RPS6KA2: variants seen among roughly 807,000 people sequenced by gnomAD.
RPS6KA2 encodes ribosomal protein S6 kinase alpha-2.
Under a neutral mutation model 91.8 loss-of-function variants are expected in RPS6KA2, and 42 were observed. That is an observed-to-expected ratio of 0.46 (90% CI 0.36 to 0.59). The LOEUF is 0.59. RPS6KA2 is among the 20% of genes least tolerant of loss of function. RPS6KA2 has a pLI of 0.00. For synonymous variants in RPS6KA2, 414 were observed against 393.6 expected, an observed-to-expected ratio of 1.05 and a Z score of -0.61; for missense variants, 798 against 978.5, an observed-to-expected ratio of 0.82 and a Z score of 2.46.
chr6:166,630,992 C>T (rs1423487758), upstream of RPS6KA2, among the ~76,000 whole-genome samples: 1 of 152,118 alleles, frequency 6.6e-6, no homozygotes, highest in Admixed American at 6.5e-5. Flanking sequence ...CTTGGGCCCT[C>T]GGCAAAAGTC....
chr6:166,498,271 T>A (rs887771729), intron 8 of RPS6KA2, among the ~76,000 whole-genome samples: 2 of 152,206 alleles, frequency 1.3e-5, no homozygotes, highest in Non-Finnish European at 2.9e-5. Flanking sequence ...AGGGTTCGAC[T>A]CCTCCCACGT....
intron 2 of RPS6KA2, among the ~76,000 whole-genome samples, chr6:166,853,101 A>C (rs992966295): frequency 4.6e-5 from 7 of 152,186 alleles, no homozygotes; most frequent in Admixed American, 4.6e-4. Context: ...AAATGGTCCT[A>C]TTGTTATCAA....
At chr6:166,579,913 T>C (rs1784953055) in intron 1 of RPS6KA2, among the ~76,000 whole-genome samples, 1 of 152,240 alleles carries the variant, frequency 6.6e-6, no homozygotes, top group Non-Finnish European at 1.5e-5. Context: ...AATCTGAGGA[T>C]AGTTCCTCTG....
chr6:166,847,748 T>TC (rs1780642387), intron 2 of RPS6KA2, among the ~76,000 whole-genome samples: 1 of 152,042 alleles, frequency 6.6e-6, no homozygotes, highest in South Asian at 2.1e-4. Flanking sequence ...TCACCTTATA[T>TC]AAAAATTTAC....
At chr6:166,512,537 T>C (rs1313522551) in intron 3 of RPS6KA2, among the ~76,000 whole-genome samples, 2 of 152,210 alleles carry the variant, frequency 1.3e-5, no homozygotes, top group African/African-American at 4.8e-5. Context: ...AACTCCTGGT[T>C]TTAATACTCA....
At chr6:166,756,147 A>G (rs1463099684) in intron 2 of RPS6KA2, among the ~76,000 whole-genome samples, 1 of 152,066 alleles carries the variant, frequency 6.6e-6, no homozygotes, top group Admixed American at 6.5e-5. Flanking sequence ...AAAATTAGCC[A>G]GGCGTGGTGG....
chr6:166,444,207 A>G (rs1014889143), intron 14 of RPS6KA2, among the ~76,000 whole-genome samples: 4 of 152,182 alleles, frequency 2.6e-5, no homozygotes, highest in Admixed American at 2.0e-4. Context: ...TTTCTTTCAA[A>G]TACACCTCTC....
Position 166,627,153 on chromosome 6 carries a change from T to A in RPS6KA2, c.-134A>T. On this transcript the variant is annotated 5_prime_UTR_variant, in exon 1 of 21. Transcript: ENST00000265678. ...GCACGGCGGCCATGGGCGCGGGGCG[T>A]GGGGCGCGAGCTGCGGTCACAAAGG... 1 of 1,108,448 alleles carries A rather than the reference T, an allele frequency of 9.0e-7. No homozygotes were observed. The highest frequency in any genetic ancestry group is 5.2e-5 in the East Asian group (1 of 19,380). The allele number at this position is 1,108,448 out of a possible 1,614,324, so 68.7% of individuals were successfully genotyped here.
intron 2 of RPS6KA2, among the ~76,000 whole-genome samples, chr6:166,641,317 A>AC (rs1195046066): frequency 1.3e-5 from 2 of 152,204 alleles, no homozygotes; most frequent in African/African-American, 4.8e-5. Context: ...CATTTGAAAA[A>AC]CAGCAAGGAA....
At chr6:166,456,329 A>G (rs2128458560) in intron 12 of RPS6KA2, among the ~76,000 whole-genome samples, 1 of 152,372 alleles carries the variant, frequency 6.6e-6, no homozygotes, top group Non-Finnish European at 1.5e-5. Flanking sequence ...AAAGCACTTT[A>G]TAATCACCTG....
rs1173281942 is a variant in RPS6KA2 at position 166,789,626 on chromosome 6, C to G, written c.123+68574G>C. On this transcript the variant is annotated intron_variant, in intron 2 of 21. Transcript: ENST00000503859. ...GGAGACACCCCCCAGTAGGGGCAGA[C>G]TGACACCTCACACGGCCGGGTACTC... Among the ~76,000 whole-genome samples the G allele has an allele frequency of 2.0e-5, 3 of 152,366 alleles. No individual in the cohort carries two copies. In the East Asian group the frequency reaches 5.8e-4, roughly 29 times the overall value.
intron 2 of RPS6KA2, among the ~76,000 whole-genome samples, chr6:166,804,959 T>C (rs1779454182): frequency 6.6e-6 from 1 of 152,148 alleles, no homozygotes; most frequent in Non-Finnish European, 1.5e-5. Flanking sequence ...TTACACTTTT[T>C]CTCTCTTTCC....
At position 166,508,896 on chromosome 6, in the gene RPS6KA2, A is replaced by G. The variant is rs1782362232; in HGVS notation, c.380-614T>C. 6.6e-6 allele frequency among the ~76,000 whole-genome samples: 1 copy of G among 152,018 alleles called. No homozygotes were observed. The highest frequency in any genetic ancestry group is 2.4e-5 in the African/African-American group (1 of 41,388). On this transcript the variant is annotated intron_variant, in intron 4 of 20. Transcript: ENST00000265678. This position sits in a 1 kb window ranked among gnomAD's most constrained non-coding sequence, Gnocchi z 4.3. ...GGCAGGCTACACAGCTCCTGCCCAC[A>G]CTCAGCAAGGGCCTGCCTCTGTTGA...
chr6:166,852,848 C>T lies in RPS6KA2; in HGVS notation c.123+5352G>A, dbSNP rs965031924. Among the ~76,000 whole-genome samples, 4 of 152,270 alleles carry T rather than the reference C, an allele frequency of 2.6e-5. No homozygotes were observed. Among genetic ancestry groups the T allele is most frequent in the South Asian group, 2.1e-4 (1 of 4,820 alleles). On this transcript the variant is annotated intron_variant, in intron 2 of 21. Coordinates refer to the RPS6KA2 transcript ENST00000503859. The surrounding 1 kb of genome is among the most constrained non-coding windows in gnomAD (Gnocchi z 4.1). ...CAGCACCCTCCTTGGCTCAAAGAGACTGTCATCTGGCAGCCGAAACCCTGT... is the reference window on the plus strand; with the variant it reads ...CAGCACCCTCCTTGGCTCAAAGAGATTGTCATCTGGCAGCCGAAACCCTGT...
chr6:166,498,654 C>T lies in RPS6KA2; in HGVS notation c.605-4G>A, dbSNP rs1454373554. 2 of 1,613,580 alleles carry T rather than the reference C, an allele frequency of 1.2e-6. No individual in the cohort carries two copies. Among genetic ancestry groups the T allele is most frequent in the Non-Finnish European group, 8.5e-7 (1 of 1,179,976 alleles). On this transcript the variant is annotated splice_region_variant and splice_polypyrimidine_tract_variant and intron_variant, in intron 7 of 20. Transcript: ENST00000265678. ...GCCTCCTTACTCAGGCCGAAATCTA[C>T]ATGCAAACACAGCACACACACTGCC... is the stretch of plus-strand genomic sequence containing the variant.
At position 166,767,062 on chromosome 6, in the gene RPS6KA2, C is replaced by T. The variant is rs1778331050; in HGVS notation, c.123+91138G>A. 6.6e-6 allele frequency among the ~76,000 whole-genome samples: 1 copy of T among 152,222 alleles called. No individual in the cohort carries two copies. The highest frequency in any genetic ancestry group is 2.4e-5 in the African/African-American group (1 of 41,446). On this transcript the variant is annotated intron_variant, in intron 2 of 21. Coordinates refer to the RPS6KA2 transcript ENST00000503859. The surrounding 1 kb of genome is among the most constrained non-coding windows in gnomAD (Gnocchi z 4.6). ...ACCGCCACGAGAGTGAATGAAGGTC[C>T]CTTCCTTACCTGGGGGCTGCCCTAG...
intron 2 of RPS6KA2, among the ~76,000 whole-genome samples, chr6:166,824,957 C>T (rs139429195): frequency 1.3e-5 from 2 of 152,198 alleles, no homozygotes; most frequent in Admixed American, 6.5e-5. Flanking sequence ...CAGGCCACAG[C>T]GTTCTGTGCT....
intron 2 of RPS6KA2, among the ~76,000 whole-genome samples, chr6:166,681,804 CCTG>C (rs1321959466): frequency 6.6e-6 from 1 of 151,418 alleles, no homozygotes; most frequent in African/African-American, 2.4e-5. Flanking sequence ...GGGCCTGACA[CCTG>C]CAGCAGGTGC....
At chr6:166,544,016 A>G (rs1783744288) in intron 1 of RPS6KA2, among the ~76,000 whole-genome samples, 1 of 152,258 alleles carries the variant, frequency 6.6e-6, no homozygotes, top group Admixed American at 6.5e-5. Context: ...GAGGCTGTAA[A>G]CAGCCAAGCT....
Sources: allele counts gnomAD v4.1 joint callset (sites outside exome capture counted in the v4.1 genomes callset), GRCh38; gene constraint gnomAD v4.1.1; non-coding constraint Gnocchi (gnomAD v3.1); transcripts MANE v1.5; gene names NCBI Gene and HGNC (gene_info 2026-07-23, HGNC 2026-07-21).